Variants in TCN1 observed in about 807,000 individuals in gnomAD.
TCN1 encodes transcobalamin-1.
A neutral mutation model predicts 46.3 loss-of-function variants in TCN1; 47 were observed. That is an observed-to-expected ratio of 1.01 (90% CI 0.80 to 1.29). The LOEUF is 1.29. Among genes scored for constraint, TCN1 ranks in the 50% most tolerant of loss-of-function variants. The pLI, the probability that TCN1 is intolerant of heterozygous loss-of-function variation, is 0.00. For synonymous variants in TCN1, 183 were observed against 192.5 expected, an observed-to-expected ratio of 0.95 and a Z score of 0.41; for missense variants, 532 against 511.0, an observed-to-expected ratio of 1.04 and a Z score of -0.40.
Position 59,853,192 on chromosome 11 carries a change from C to T in TCN1, c.1240+11G>A. 2 of 1,614,018 alleles carry T rather than the reference C, an allele frequency of 1.2e-6. No individual in the cohort carries two copies. Among genetic ancestry groups the T allele is most frequent in the Non-Finnish European group, 1.7e-6 (2 of 1,179,914 alleles). Reference sequence around the variant, plus strand: ...TTTAGCATGGGTCTTTTTGGCATGTCTCTCCCTTACCTTGGCTCAGTGGTT... The same window carrying T: ...TTTAGCATGGGTCTTTTTGGCATGTTTCTCCCTTACCTTGGCTCAGTGGTT... On this transcript the variant is annotated intron_variant, in intron 8 of 8. Coordinates refer to ENST00000257264, the MANE Select transcript of TCN1 (RefSeq NM_001062.4).
chr11:59,862,900 T>C (rs1378555979), intron 2 of TCN1, among the ~76,000 whole-genome samples, 178 bp from the exon 3 acceptor site: 2 of 152,192 alleles, frequency 1.3e-5, no homozygotes, highest in African/African-American at 4.8e-5. Context: ...GATTTTGTCA[T>C]TGTGCAAACA....
At chr11:59,858,007 CTA>C (rs1852965357) in intron 5 of TCN1, among the ~76,000 whole-genome samples, 2 of 152,156 alleles carry the variant, frequency 1.3e-5, no homozygotes, top group South Asian at 2.1e-4. Flanking sequence ...CTTAAATATA[CTA>C]TGTTTTTTCC....
In TCN1 at chr11:59,863,934, G is replaced by T; in HGVS notation, c.232C>A (p.Gln78Lys). ...CTGCTTTTCACATTGTATTTGATTT[G>T]TTGGATCATCTTTTGCATCAGGGTT... Reference protein sequence around the residue: ...IQTLMQKMIQQIKYNVKSRLS... With the variant: ...IQTLMQKMIQKIKYNVKSRLS... The change falls in exon 2 of 9, where the codon CAA (glutamine) becomes AAA (lysine). Residue 78 changes from glutamine to lysine, a missense_variant. Transcript: ENST00000257264. The T allele has an allele frequency of 6.2e-7, 1 of 1,613,794 alleles. No individual in the cohort carries two copies. The highest frequency in any genetic ancestry group is 8.5e-7 in the Non-Finnish European group (1 of 1,179,776).
intron 1 of TCN1, among the ~76,000 whole-genome samples, chr11:59,864,460 T>G (rs934140886): frequency 1.3e-5 from 2 of 152,176 alleles, no homozygotes; most frequent in African/African-American, 4.8e-5. Context: ...CTACATGTCT[T>G]CTGACTCTCA....
intron 3 of TCN1, among the ~76,000 whole-genome samples, chr11:59,862,135 C>T (rs1853020787): frequency 6.6e-6 from 1 of 152,152 alleles, no homozygotes; most frequent in African/African-American, 2.4e-5. Flanking sequence ...TAGTGGCCAC[C>T]ATGGCCGGTT....
intron 1 of TCN1, among the ~76,000 whole-genome samples, chr11:59,864,430 G>A (rs117309696): frequency 0.013 from 2,050 of 152,196 alleles, 21 homozygotes; most frequent in South Asian, 0.022. Context: ...TCCATAATTG[G>A]AGGCTGAGCT....
chr11:59,863,188 A>T (rs1853035904), intron 2 of TCN1, among the ~76,000 whole-genome samples: 1 of 152,176 alleles, frequency 6.6e-6, no homozygotes, highest in East Asian at 1.9e-4. Flanking sequence ...TCTCTTCTTT[A>T]TCCTCAAAGC....
intron 2 of TCN1, 79 bp from the exon 3 acceptor site, chr11:59,862,801 T>G: frequency 6.5e-7 from 1 of 1,528,888 alleles, no homozygotes; most frequent in Non-Finnish European, 9.0e-7. Context: ...GAGACTTATA[T>G]TGCCTATCAC....
chr11:59,853,918 T>C (rs901576554), intron 7 of TCN1, among the ~76,000 whole-genome samples: 17 of 151,956 alleles, frequency 1.1e-4, no homozygotes, highest in Non-Finnish European at 1.8e-4. Flanking sequence ...ACTGTGTTGT[T>C]AGATATGATA....
intron 5 of TCN1, 125 bp from the exon 6 acceptor site, chr11:59,856,183 T>C: frequency 1.3e-6 from 1 of 744,030 alleles, no homozygotes. Context: ...TCAGTATTAA[T>C]TGAACATTGA....
At chr11:59,860,143 G>T (rs926631384) in intron 4 of TCN1, among the ~76,000 whole-genome samples, 3 of 151,706 alleles carry the variant, frequency 2.0e-5, no homozygotes, top group Admixed American at 6.6e-5. Flanking sequence ...TTGTTTTTTG[G>T]TTTTTTTTGA....
chr11:59,853,861 A>G (rs1054404946), intron 7 of TCN1, among the ~76,000 whole-genome samples: 5 of 152,192 alleles, frequency 3.3e-5, no homozygotes, highest in Non-Finnish European at 5.9e-5. Context: ...GGTAGCCTTT[A>G]TAATGTATAT....
intron 2 of TCN1, 100 bp downstream of exon 2, chr11:59,863,807 G>T: frequency 7.5e-7 from 1 of 1,324,966 alleles, no homozygotes; most frequent in Non-Finnish European, 1.1e-6. Context: ...AAGGGATGTA[G>T]CAGGGATACT....
At position 59,859,257 on chromosome 11, in the gene TCN1, T is replaced by C; in HGVS notation, c.567A>G (p.Ala189=). ...FGSQFSVDTG[A]MAVLALTCVK... is the part of the protein sequence containing the mutation. ...CACAGGTCAGAGCCAGGACAGCCAT[T>C]GCACCAGTATCTGTCAGGAAACAAA... The change falls in exon 5 of 9, where the codon GCA becomes GCG. Residue 189 remains alanine (A), a synonymous_variant. Transcript: ENST00000257264. The C allele has an allele frequency of 1.2e-6, 2 of 1,613,682 alleles. No homozygotes were observed. The highest frequency in any genetic ancestry group is 1.1e-5 in the South Asian group (1 of 91,088).
rs1284933788 is a variant in TCN1 at position 59,859,198 on chromosome 11, G to T, written c.626C>A (p.Ala209Glu). 2 of 1,613,894 alleles carry T rather than the reference G, an allele frequency of 1.2e-6. No homozygotes were observed. Among genetic ancestry groups the T allele is most frequent in the Admixed American group, 1.7e-5 (1 of 60,026 alleles). The change falls in exon 5 of 9, where the codon GCA (alanine) becomes GAA (glutamate). Residue 209 changes from alanine to glutamate, a missense_variant. Physicochemically the swap from Ala to Glu is moderately radical, Grantham distance 107. Coordinates refer to ENST00000257264, the MANE Select transcript of TCN1 (RefSeq NM_001062.4). ...GATGTTCTTTAAACTGCCTTCATCT[G>T]CTTTGATCTGCCCATTTATTAGACT... ...KKSLINGQIK[A>E]DEGSLKNISI... is the part of the protein sequence containing the mutation.
chr11:59,853,093 A>G lies in TCN1; in HGVS notation c.1241-57T>C, dbSNP rs1408536659. On this transcript the variant is annotated intron_variant, in intron 8 of 8. Transcript: ENST00000257264. ...AATGATTTGGCCACTAAATCACCAA[A>G]TAATGGATGTCATCTCTACTAACCC... is the stretch of plus-strand genomic sequence containing the variant. 1.9e-6 allele frequency: 3 copies of G among 1,602,200 alleles called. No individual in the cohort carries two copies. The East Asian group carries it at 6.7e-5, about 36-fold the overall frequency.
intron 2 of TCN1, 26 bp from the exon 3 acceptor site, chr11:59,862,748 A>T (rs1003188010): frequency 6.2e-7 from 1 of 1,612,086 alleles, no homozygotes; most frequent in Non-Finnish European, 8.5e-7. Context: ...TTCAAGCTTA[A>T]TAAGGTACAG....
intron 5 of TCN1, among the ~76,000 whole-genome samples, chr11:59,858,290 G>T (rs1307697406): frequency 1.3e-5 from 2 of 152,142 alleles, no homozygotes; most frequent in Non-Finnish European, 2.9e-5. Context: ...GAAGGTGCAA[G>T]ATTTTATCAC....
At chr11:59,864,486 T>C (rs1853052224) in intron 1 of TCN1, among the ~76,000 whole-genome samples, 1 of 152,176 alleles carries the variant, frequency 6.6e-6, no homozygotes. Flanking sequence ...CAGGACTTTC[T>C]ACTTCCTGGA....
Sources: gnomAD v4.1 joint callset for allele counts (sites outside exome capture counted in the v4.1 genomes callset) on GRCh38, gnomAD v4.1.1 for gene constraint, MANE v1.5 for transcripts, NCBI Gene and HGNC (gene_info 2026-07-23, HGNC 2026-07-21) for gene names.